PRR16: variants seen among roughly 807,000 people sequenced by gnomAD.
PRR16 encodes the protein protein Largen.
In PRR16, 6 loss-of-function variants were observed where a neutral mutation model predicts 18.2. The observed-to-expected ratio is 0.33, with a 90% CI of 0.18 to 0.65. The LOEUF (loss-of-function observed/expected upper bound fraction) is 0.65, where lower values mean the gene tolerates loss of function less well. Among genes scored for constraint, PRR16 ranks in the 30% least tolerant of loss-of-function variants. The probability of loss-of-function intolerance (pLI) is 0.74; values close to 1 mark genes in which losing one functional copy is unlikely to be tolerated. For synonymous variants in PRR16, 151 were observed against 147.8 expected (o/e 1.02, Z -0.16); for missense variants, 412 against 376.6 (o/e 1.09, Z -0.78).
the PRR16 span, among the ~76,000 whole-genome samples, chr5:120,754,619 ATATT>A: frequency 1.6e-5 from 1 of 62,354 alleles, no homozygotes; most frequent in South Asian, 4.6e-4. Flanking sequence ...ATATTATTAT[ATATT>A]TATATATAAT....
chr5:120,714,037 A>T, the PRR16 span, among the ~76,000 whole-genome samples: 1 of 152,182 alleles, frequency 6.6e-6, no homozygotes, highest in Admixed American at 6.5e-5. Context: ...TAATCAGAAA[A>T]CAATTATAAG....
At chr5:120,766,909 AC>A in the PRR16 span, among the ~76,000 whole-genome samples, 1 of 151,944 alleles carries the variant, frequency 6.6e-6, no homozygotes, top group South Asian at 2.1e-4. Flanking sequence ...ATTTCAAAGT[AC>A]CTGTTTTATC....
At chr5:120,730,931 T>G in the PRR16 span, among the ~76,000 whole-genome samples, 1 of 152,282 alleles carries the variant, frequency 6.6e-6, no homozygotes, top group South Asian at 2.1e-4. Flanking sequence ...TTATCTTTAC[T>G]TAGTCTAAAA....
At chr5:120,680,181 C>T (rs1400405213) in intron 1 of PRR16, among the ~76,000 whole-genome samples, 1 of 152,026 alleles carries the variant, frequency 6.6e-6, no homozygotes, top group Non-Finnish European at 1.5e-5. Context: ...TTAAAAGAAA[C>T]AAAATATTGA....
At chr5:120,702,626 G>T in the PRR16 span, among the ~76,000 whole-genome samples, 1 of 152,172 alleles carries the variant, frequency 6.6e-6, no homozygotes, top group African/African-American at 2.4e-5. Flanking sequence ...CCAAGGGAAG[G>T]CTGCCTTCCC....
intron 1 of PRR16, among the ~76,000 whole-genome samples, chr5:120,671,352 T>C (rs922417099): frequency 2.0e-5 from 3 of 152,152 alleles, no homozygotes; most frequent in African/African-American, 7.2e-5. Flanking sequence ...AGTTTTATCA[T>C]CTCAAGCTAG....
chr5:120,729,381 T>C, the PRR16 span, among the ~76,000 whole-genome samples: 1 of 151,892 alleles, frequency 6.6e-6, no homozygotes, highest in Non-Finnish European at 1.5e-5. Flanking sequence ...ACAATACTTA[T>C]TTCTTAATAT....
intron 1 of PRR16, among the ~76,000 whole-genome samples, chr5:120,490,662 A>G (rs958056649): frequency 2.0e-5 from 3 of 152,170 alleles, no homozygotes; most frequent in Non-Finnish European, 4.4e-5. Context: ...TGTCAAAGTC[A>G]TTCTCTGTGC....
chr5:120,563,050 T>G (rs1752624651), intron 1 of PRR16, among the ~76,000 whole-genome samples: 1 of 152,208 alleles, frequency 6.6e-6, no homozygotes, highest in East Asian at 1.9e-4. Flanking sequence ...TATCATTTCT[T>G]ATAGGACAGG....
intron 1 of PRR16, among the ~76,000 whole-genome samples, chr5:120,546,365 T>C (rs891323238): frequency 3.3e-5 from 5 of 152,096 alleles, no homozygotes; most frequent in Admixed American, 2.6e-4. Flanking sequence ...TGTTGCTCCA[T>C]AGTGCTCCCT....
At chr5:120,788,766 A>G in the PRR16 span, among the ~76,000 whole-genome samples, 1 of 152,110 alleles carries the variant, frequency 6.6e-6, no homozygotes, top group African/African-American at 2.4e-5. Flanking sequence ...GTAATGACTC[A>G]GAGTAAGCCC....
At chr5:120,781,870 A>G in the PRR16 span, among the ~76,000 whole-genome samples, 6 of 152,256 alleles carry the variant, frequency 3.9e-5, no homozygotes, top group South Asian at 1.2e-3. Flanking sequence ...AATATTGTAG[A>G]TAGACCTTAC....
chr5:120,620,281 G>A (rs566217554), intron 1 of PRR16, among the ~76,000 whole-genome samples: 62 of 152,110 alleles, frequency 4.1e-4, no homozygotes, highest in Non-Finnish European at 8.8e-4. Context: ...GAATTATGGA[G>A]CATTGTAACA....
chr5:120,663,062 C>T (rs1317384519), intron 1 of PRR16, among the ~76,000 whole-genome samples: 1 of 152,148 alleles, frequency 6.6e-6, no homozygotes, highest in Non-Finnish European at 1.5e-5. Flanking sequence ...CTTCTTTCAC[C>T]ATTGTCAACC....
chr5:120,713,369 G>A, the PRR16 span, among the ~76,000 whole-genome samples: 3 of 152,054 alleles, frequency 2.0e-5, no homozygotes, highest in Non-Finnish European at 2.9e-5. Flanking sequence ...CATGGGCTAG[G>A]AAAAGAACAT....
chr5:120,541,699 C>CT (rs1485301664), intron 1 of PRR16, among the ~76,000 whole-genome samples: 2 of 152,080 alleles, frequency 1.3e-5, no homozygotes, highest in Non-Finnish European at 2.9e-5. Context: ...TTTCTGCCTT[C>CT]TTTTTTTATA....
the PRR16 span, among the ~76,000 whole-genome samples, chr5:120,764,359 A>T: frequency 6.6e-6 from 1 of 151,952 alleles, no homozygotes; most frequent in African/African-American, 2.4e-5. Flanking sequence ...AATATGTCAC[A>T]TTTATCAATT....
At chr5:120,514,373 T>C (rs996800322) in intron 1 of PRR16, among the ~76,000 whole-genome samples, 57 of 152,128 alleles carry the variant, frequency 3.7e-4, no homozygotes, top group African/African-American at 1.4e-3. Context: ...CTTGGTCCCC[T>C]TAGTATTCTC....
intron 1 of PRR16, among the ~76,000 whole-genome samples, chr5:120,674,284 A>T (rs138023549): frequency 2.1e-3 from 314 of 152,230 alleles, no homozygotes; most frequent in African/African-American, 7.1e-3. Context: ...GCTGGGTTAA[A>T]TGTAATGTTC....
Sources: gnomAD v4.1 joint callset for allele counts (sites outside exome capture counted in the v4.1 genomes callset) on GRCh38, gnomAD v4.1.1 for gene constraint, MANE v1.5 for transcripts, NCBI Gene and HGNC (gene_info 2026-07-23, HGNC 2026-07-21) for gene names.